VPS13A: variants seen among roughly 807,000 people sequenced by gnomAD.
VPS13A encodes the protein intermembrane lipid transfer protein VPS13A.
A neutral mutation model predicts 390.9 loss-of-function variants in VPS13A; 264 were observed. The ratio of observed to expected loss-of-function variants is 0.68; its 90% CI spans 0.61 to 0.75. The LOEUF is 0.75. Ranked by LOEUF, VPS13A falls within the 30% of genes least tolerant of loss-of-function variation. The pLI is 0.00. For synonymous variants in VPS13A, 1,231 were observed against 1,227.1 expected (o/e 1.00, Z -0.07); for missense variants, 3,409 against 3,733.9 (o/e 0.91, Z 2.27).
In VPS13A at chr9:77,419,317, T is replaced by C. The variant is rs1835274009; in HGVS notation, c.*3311T>C. 2 of 152,194 alleles carry C rather than the reference T, an allele frequency of 1.3e-5. No individual in the cohort carries two copies. Among genetic ancestry groups the C allele is most frequent in the Admixed American group, 1.3e-4 (2 of 15,278 alleles). The allele number at this position is 152,194 out of a possible 1,614,324, so 9.4% of individuals were successfully genotyped here. ...GGAACAATAGAGCATATAAAATGGT[T>C]AAGTATTGGTTCCTGAAATACTGTT... On this transcript the variant is annotated 3_prime_UTR_variant, in exon 72 of 72. Coordinates refer to ENST00000360280, the MANE Select transcript of VPS13A (RefSeq NM_033305.3).
chr9:77,221,833 A>C (rs1035932256), intron 13 of VPS13A, among the ~76,000 whole-genome samples: 15 of 151,996 alleles, frequency 9.9e-5, no homozygotes, highest in Admixed American at 2.0e-4. Flanking sequence ...TACCTACTCA[A>C]TTCTACTCAT....
At chr9:77,217,038 C>A (rs1013312235) in intron 10 of VPS13A, among the ~76,000 whole-genome samples, 1 of 152,144 alleles carries the variant, frequency 6.6e-6, no homozygotes, top group African/African-American at 2.4e-5. Context: ...TTTGGCAACA[C>A]CATCAGACAC....
intron 68 of VPS13A, among the ~76,000 whole-genome samples, chr9:77,395,028 C>T (rs546785441): frequency 6.6e-6 from 1 of 152,270 alleles, no homozygotes; most frequent in African/African-American, 2.4e-5. Context: ...TCTTATAATT[C>T]TTGTGTTCAC....
chr9:77,194,185 G>A (rs141747034), intron 1 of VPS13A, among the ~76,000 whole-genome samples: 4 of 152,238 alleles, frequency 2.6e-5, no homozygotes, highest in Admixed American at 6.5e-5. Context: ...GAAGCTGTGC[G>A]TGGGTGGATG....
chr9:77,200,003 T>C lies in VPS13A; in HGVS notation c.144+15T>C, dbSNP rs182861770. On this transcript the variant is annotated intron_variant, in intron 2 of 71. Coordinates refer to ENST00000360280, the MANE Select transcript of VPS13A (RefSeq NM_033305.3). ...AAAATGCCCTGGTAGGTTTTGACTA[T>C]GAAAAATTTGTAAAGTTATTGCATT... is the stretch of plus-strand genomic sequence containing the variant. 3.2e-4 allele frequency: 505 copies of C among 1,597,300 alleles called. 4 individuals are homozygous for C. The East Asian group carries it at 0.011, about 35-fold the overall frequency.
At chr9:77,412,329 G>T (rs543484136) in intron 71 of VPS13A, among the ~76,000 whole-genome samples, 2 of 152,238 alleles carry the variant, frequency 1.3e-5, no homozygotes, top group Non-Finnish European at 2.9e-5. Context: ...GATGAACATT[G>T]ATGCAAAAAT....
At chr9:77,361,687 A>G (rs1277403544) in intron 59 of VPS13A, among the ~76,000 whole-genome samples, 2 of 152,144 alleles carry the variant, frequency 1.3e-5, no homozygotes, top group African/African-American at 4.8e-5. Flanking sequence ...TTGCTCAATC[A>G]CATAGTAACC....
chr9:77,213,439 A>G, intron 9 of VPS13A, 125 bp downstream of exon 9: 1 of 753,380 alleles, frequency 1.3e-6, no homozygotes, highest in Non-Finnish European at 2.3e-6. Flanking sequence ...AGCAGAATTT[A>G]CAGATACAGG....
At chr9:77,341,133 A>T (rs1830782442) in intron 50 of VPS13A, among the ~76,000 whole-genome samples, 1 of 152,166 alleles carries the variant, frequency 6.6e-6, no homozygotes, top group East Asian at 1.9e-4. Context: ...TGTTGGGATT[A>T]TTCTTGAAGT....
In VPS13A at chr9:77,213,264, T is replaced by A. The variant is rs1201178757; in HGVS notation, c.646T>A (p.Trp216Arg). 6 of 1,613,686 alleles carry A rather than the reference T, an allele frequency of 3.7e-6. No individual in the cohort carries two copies. Among genetic ancestry groups the A allele is most frequent in the Non-Finnish European group, 5.1e-6 (6 of 1,179,862 alleles). ...LIRLDNLFAY[W>R]NVKSQMFYLS... ...CCGATTGGATAACCTGTTTGCCTAT[T>A]GGAATGTGAAGTCTCAGATGTTTTA... Residue 216 changes from tryptophan (W) to arginine (R), a missense_variant, in exon 9 of 72, where the codon TGG (tryptophan) becomes AGG (arginine). Physicochemically the swap from Trp to Arg is moderately radical, Grantham distance 101 (BLOSUM62 -3). Coordinates refer to ENST00000360280, the MANE Select transcript of VPS13A (RefSeq NM_033305.3).
chr9:77,221,107 T>A, intron 12 of VPS13A, 78 bp from the exon 13 acceptor site: 1 of 1,348,604 alleles, frequency 7.4e-7, no homozygotes. Context: ...TTATGTATGT[T>A]GTTAGAGTAG....
intron 71 of VPS13A, among the ~76,000 whole-genome samples, chr9:77,408,362 G>C (rs1051587062): frequency 6.6e-6 from 1 of 152,254 alleles, no homozygotes; most frequent in East Asian, 1.9e-4. Flanking sequence ...CTCCTAGTGT[G>C]AGCGACACAG....
intron 50 of VPS13A, among the ~76,000 whole-genome samples, chr9:77,342,203 C>T (rs1309647225): frequency 6.6e-6 from 1 of 152,130 alleles, no homozygotes; most frequent in Non-Finnish European, 1.5e-5. Flanking sequence ...ACACAAACCA[C>T]AATGAAAGTA....
At chr9:77,232,078 T>C (rs142474224) in intron 17 of VPS13A, among the ~76,000 whole-genome samples, 8 of 152,326 alleles carry the variant, frequency 5.3e-5, no homozygotes, top group East Asian at 1.9e-4. Flanking sequence ...TATGGCTTTA[T>C]TTTTGGACTC....
rs2131195418 is a variant in VPS13A at position 77,226,477 on chromosome 9, T to C, written c.1236T>C (p.Ala412=). 2 of 1,609,904 alleles carry C rather than the reference T, an allele frequency of 1.2e-6. No homozygotes were observed. The highest frequency in any genetic ancestry group is 8.5e-7 in the Non-Finnish European group (1 of 1,176,564). The change falls in exon 15 of 72, where the codon GCT becomes GCC. Residue 412 remains alanine, a synonymous_variant. Transcript: ENST00000360280. ...TTTATTCATTTTAGGTAAAGAAAGC[T>C]GGATACAAAATTTACAAAGAAGGAG... The part of the protein sequence containing the change: ...RQTAEVEVKK[A]GYKIYKEGVK...
chr9:77,304,788 T>C (rs1274106869), intron 34 of VPS13A, among the ~76,000 whole-genome samples: 1 of 152,236 alleles, frequency 6.6e-6, no homozygotes, highest in Non-Finnish European at 1.5e-5. Flanking sequence ...TAGGCTTTGC[T>C]GAAGTGATAG....
chr9:77,300,832 AT>A (rs1232360132), intron 33 of VPS13A, among the ~76,000 whole-genome samples: 1 of 152,274 alleles, frequency 6.6e-6, no homozygotes, highest in Non-Finnish European at 1.5e-5. Flanking sequence ...TTCTTTATAC[AT>A]TAATCCAACT....
chr9:77,273,431 T>A, intron 24 of VPS13A, 67 bp downstream of exon 24: 1 of 1,349,214 alleles, frequency 7.4e-7, no homozygotes, highest in South Asian at 1.3e-5. Context: ...TGAGGCATAT[T>A]TTTCTCAAAG....
rs186613058 is a variant in VPS13A at position 77,377,550 on chromosome 9, G to A, written c.9078-4426G>A. Among the ~76,000 whole-genome samples the A allele has an allele frequency of 1.2e-3, 180 of 152,262 alleles. 3 individuals are homozygous for A. Among genetic ancestry groups the A allele is most frequent in the Admixed American group, 0.011 (172 of 15,284 alleles). On this transcript the variant is annotated intron_variant, in intron 67 of 71. Transcript: ENST00000360280. ...TTGTTGGATTGTTTATTGCTGGTGTGTTGAATACAACTGTTTTTCTTTATA... is the reference window on the plus strand; with the variant it reads ...TTGTTGGATTGTTTATTGCTGGTGTATTGAATACAACTGTTTTTCTTTATA...
Sources: gnomAD v4.1 joint callset for allele counts (sites outside exome capture counted in the v4.1 genomes callset) on GRCh38, gnomAD v4.1.1 for gene constraint, MANE v1.5 for transcripts, NCBI Gene and HGNC (gene_info 2026-07-23, HGNC 2026-07-21) for gene names.